TMTC1: variants seen among roughly 807,000 people sequenced by gnomAD.
TMTC1 encodes the protein transmembrane O-mannosyltransferase targeting cadherins 1.
TMTC1 carries 73 observed loss-of-function variants against 104.8 expected under a neutral mutation model. The ratio of observed to expected loss-of-function variants is 0.70; its 90% CI spans 0.58 to 0.85. The LOEUF is 0.85. Among genes scored for constraint, TMTC1 ranks in the 40% least tolerant of loss-of-function variants. TMTC1 has a pLI of 0.00. For missense variants in TMTC1, 1,035 were observed against 1,096.1 expected, an observed-to-expected ratio of 0.94 and a Z score of 0.79; for synonymous variants, 434 against 428.7, an observed-to-expected ratio of 1.01 and a Z score of -0.15.
intron 17 of TMTC1, among the ~76,000 whole-genome samples, chr12:29,507,415 A>C (rs1943722758): frequency 6.6e-6 from 1 of 152,178 alleles, no homozygotes; most frequent in Admixed American, 6.5e-5. Flanking sequence ...AGAATGATTA[A>C]ATAGTTTATG....
chr12:29,612,329 G>T (rs1946866018), intron 6 of TMTC1, among the ~76,000 whole-genome samples: 1 of 152,126 alleles, frequency 6.6e-6, no homozygotes, highest in African/African-American at 2.4e-5. Context: ...CAGGATCTAT[G>T]GCACACAACA....
chr12:29,537,638 C>T (rs1376076240), intron 10 of TMTC1, among the ~76,000 whole-genome samples: 3 of 152,074 alleles, frequency 2.0e-5, no homozygotes, highest in African/African-American at 4.8e-5. Flanking sequence ...TGAATCTGAT[C>T]CTTCAGTTTC....
chr12:29,713,300 T>TACACACACAC (rs10574727), intron 5 of TMTC1, among the ~76,000 whole-genome samples: 1,609 of 134,364 alleles, frequency 0.012, 33 homozygotes, highest in East Asian at 0.039. Flanking sequence ...CATAAACACA[T>TACACACACAC]ACACACACAC....
At chr12:29,654,412 C>A (rs1352470606) in intron 5 of TMTC1, among the ~76,000 whole-genome samples, 2 of 152,116 alleles carry the variant, frequency 1.3e-5, no homozygotes, top group East Asian at 3.9e-4. Context: ...CCATTCCCTA[C>A]CCATTGGTAT....
At chr12:29,571,963 C>T (rs1945690499) in intron 9 of TMTC1, 142 bp downstream of exon 9, 2 of 624,588 alleles carry the variant, frequency 3.2e-6, no homozygotes, top group Admixed American at 3.0e-5. Flanking sequence ...GACTCAGAGT[C>T]CAAGAGCTAC....
At chr12:29,654,155 T>C (rs1295925352) in intron 5 of TMTC1, among the ~76,000 whole-genome samples, 1 of 152,048 alleles carries the variant, frequency 6.6e-6, no homozygotes, top group Non-Finnish European at 1.5e-5. Context: ...GAAATGACAA[T>C]ATACAGAAAG....
At chr12:29,748,379 T>TGA (rs1403730887) in intron 5 of TMTC1, among the ~76,000 whole-genome samples, 1 of 152,230 alleles carries the variant, frequency 6.6e-6, no homozygotes, top group Non-Finnish European at 1.5e-5. Context: ...TTGTACCTGC[T>TGA]GAGAGTTCAA....
At chr12:29,679,473 A>T (rs942419411) in intron 5 of TMTC1, among the ~76,000 whole-genome samples, 1 of 152,192 alleles carries the variant, frequency 6.6e-6, no homozygotes, top group African/African-American at 2.4e-5. Flanking sequence ...ATCAGATATA[A>T]GAACTAAAGA....
Position 29,604,307 on chromosome 12 carries a change from A to C in TMTC1, c.1129-8T>G. On this transcript the variant is annotated splice_polypyrimidine_tract_variant and splice_region_variant and intron_variant, in intron 6 of 17. Coordinates refer to ENST00000539277, the MANE Select transcript of TMTC1 (RefSeq NM_001193451.2). The stretch of plus-strand genomic sequence containing the variant: ...CTCCTTGTGCTCCAGTCTCTGAAAC[A>C]CACAATAGTGAAGGAAACATTAACT... 6.2e-7 allele frequency: 1 copy of C among 1,613,850 alleles called. No individual in the cohort carries two copies. The highest frequency in any genetic ancestry group is 8.5e-7 in the Non-Finnish European group (1 of 1,179,754).
chr12:29,644,509 T>C (rs999352669), intron 5 of TMTC1, among the ~76,000 whole-genome samples: 17 of 151,750 alleles, frequency 1.1e-4, no homozygotes, highest in South Asian at 4.2e-4. Context: ...CAATAACCTA[T>C]GGAAAATTAA....
intron 5 of TMTC1, among the ~76,000 whole-genome samples, chr12:29,710,946 A>C: frequency 7.2e-5 from 1 of 13,832 alleles, no homozygotes; most frequent in Admixed American, 7.0e-4. Flanking sequence ...TAATATATAA[A>C]TATATATATA....
At chr12:29,697,270 GT>G (rs1941452047) in intron 5 of TMTC1, among the ~76,000 whole-genome samples, 2 of 152,182 alleles carry the variant, frequency 1.3e-5, no homozygotes, top group African/African-American at 4.8e-5. Flanking sequence ...GTGTAGCACT[GT>G]CTTGGGACAG....
At chr12:29,675,412 C>G (rs1311041804) in intron 5 of TMTC1, among the ~76,000 whole-genome samples, 4 of 152,124 alleles carry the variant, frequency 2.6e-5, no homozygotes, top group African/African-American at 9.7e-5. Flanking sequence ...CACTAAGGAG[C>G]TTCGTGGGAC....
chr12:29,669,976 C>G (rs1304348513), intron 5 of TMTC1, among the ~76,000 whole-genome samples: 1 of 152,146 alleles, frequency 6.6e-6, no homozygotes, highest in African/African-American at 2.4e-5. Context: ...TGCCTTTTTG[C>G]TGCATCACTG....
intron 5 of TMTC1, among the ~76,000 whole-genome samples, chr12:29,749,856 T>C (rs545308689): frequency 3.0e-4 from 45 of 152,122 alleles, no homozygotes; most frequent in African/African-American, 9.6e-4. Flanking sequence ...GCGAGTCCTA[T>C]TGGGTCTGTA....
In TMTC1 at chr12:29,608,975, T is replaced by C. The variant is rs574879924; in HGVS notation, c.1129-4676A>G. On this transcript the variant is annotated intron_variant, in intron 6 of 17. Transcript: ENST00000539277. Reference sequence around the variant, plus strand: ...ACACACACACTTTGATACACATGTATGCACCTGGCCAGCAGTGTGTGGGTG... The same window carrying C: ...ACACACACACTTTGATACACATGTACGCACCTGGCCAGCAGTGTGTGGGTG... Among the ~76,000 whole-genome samples, 6 of 152,288 alleles carry C rather than the reference T, an allele frequency of 3.9e-5. No homozygotes were observed. In the East Asian group the frequency reaches 1.2e-3, roughly 29 times the overall value.
rs1946163272 is a variant in TMTC1 at position 29,587,274 on chromosome 12, T to C, written c.1251-3700A>G. On this transcript the variant is annotated intron_variant, in intron 7 of 17. Coordinates refer to ENST00000539277, the MANE Select transcript of TMTC1 (RefSeq NM_001193451.2). The stretch of plus-strand genomic sequence containing the variant: ...GTAGTTTGTATTTCTGTGAGATCGG[T>C]GGTGATATCCCCTTTATCATTTTTT... Among the ~76,000 whole-genome samples the C allele has an allele frequency of 5.9e-5, 9 of 152,172 alleles. No homozygotes were observed. In the South Asian group the frequency reaches 1.9e-3, roughly 31 times the overall value.
rs534217720 is a variant in TMTC1, at chr12:29,662,093, A to G, written c.939-28757T>C. 5.8e-4 allele frequency among the ~76,000 whole-genome samples: 88 copies of G among 152,320 alleles called. 1 individual carries two copies. Among genetic ancestry groups the G allele is most frequent in the African/African-American group, 1.8e-3 (76 of 41,580 alleles). ...CAAAATTCTACACGGAAAATACAGA[A>G]TGGAGGGGGAAAACAAAAGTCAAAT... is the stretch of plus-strand genomic sequence containing the variant. On this transcript the variant is annotated intron_variant, in intron 5 of 17. Coordinates refer to ENST00000539277, the MANE Select transcript of TMTC1 (RefSeq NM_001193451.2).
intron 5 of TMTC1, among the ~76,000 whole-genome samples, chr12:29,672,186 G>A (rs1940543366): frequency 6.6e-6 from 1 of 152,158 alleles, no homozygotes; most frequent in Non-Finnish European, 1.5e-5. Context: ...GCAGTTCACT[G>A]TCCCTTCATC....
Sources: gnomAD v4.1 joint callset for allele counts (sites outside exome capture counted in the v4.1 genomes callset) on GRCh38, gnomAD v4.1.1 for gene constraint, MANE v1.5 for transcripts, NCBI Gene and HGNC (gene_info 2026-07-23, HGNC 2026-07-21) for gene names.